RBMS3: variants seen among roughly 807,000 people sequenced by gnomAD.
The protein encoded by RBMS3 is RNA-binding motif, single-stranded-interacting protein 3.
A neutral mutation model predicts 66.8 loss-of-function variants in RBMS3; 27 were observed. The ratio of observed to expected loss-of-function variants is 0.40; its 90% CI spans 0.30 to 0.56. The LOEUF (loss-of-function observed/expected upper bound fraction) is 0.56, where lower values mean the gene tolerates loss of function less well. Among genes scored for constraint, RBMS3 ranks in the 20% least tolerant of loss-of-function variants. The probability of loss-of-function intolerance (pLI) is 0.40; values close to 1 mark genes in which losing one functional copy is unlikely to be tolerated. For missense variants in RBMS3, 513 were observed against 549.5 expected, an observed-to-expected ratio of 0.93 and a Z score of 0.66; for synonymous variants, 188 against 183.0, an observed-to-expected ratio of 1.03 and a Z score of -0.22.
chr3:29,631,966 G>A (rs2049298333), intron 4 of RBMS3, among the ~76,000 whole-genome samples: 1 of 151,914 alleles, frequency 6.6e-6, no homozygotes, highest in African/African-American at 2.4e-5. Context: ...GCATTTGCAT[G>A]CCAACCAGAA....
intron 6 of RBMS3, among the ~76,000 whole-genome samples, chr3:29,782,638 A>G (rs1013137637): frequency 2.0e-5 from 3 of 152,180 alleles, no homozygotes; most frequent in Non-Finnish European, 4.4e-5. Context: ...AACACCCCCA[A>G]AAGATCATGT....
intron 4 of RBMS3, among the ~76,000 whole-genome samples, chr3:29,664,620 A>G (rs903770200): frequency 6.6e-6 from 1 of 152,158 alleles, no homozygotes; most frequent in African/African-American, 2.4e-5. Flanking sequence ...TATACAAAAA[A>G]ATAGAACTGA....
intron 1 of RBMS3, among the ~76,000 whole-genome samples, chr3:29,394,066 C>G (rs1291272556): frequency 6.6e-6 from 1 of 152,092 alleles, no homozygotes; most frequent in East Asian, 1.9e-4. Flanking sequence ...GCTGGAATTT[C>G]CTAATCCTAG....
chr3:29,547,511 A>G (rs1044804647), intron 3 of RBMS3, among the ~76,000 whole-genome samples: 7 of 151,964 alleles, frequency 4.6e-5, no homozygotes, highest in African/African-American at 1.7e-4. Context: ...TATAAGCTCC[A>G]TTAGGAAAGA....
At chr3:29,614,626 G>A (rs1041246745) in intron 4 of RBMS3, 2 of 152,014 alleles carry the variant, frequency 1.3e-5, no homozygotes, top group African/African-American at 4.8e-5. Context: ...ATTTAGCACG[G>A]GAACAACTGG....
chr3:29,308,049 A>G (rs1475960936), intron 1 of RBMS3, among the ~76,000 whole-genome samples: 2 of 151,898 alleles, frequency 1.3e-5, no homozygotes, highest in Admixed American at 6.6e-5. Context: ...AAAACTTTCT[A>G]TATATTGGAA....
chr3:29,979,929 A>G (rs1206604216), intron 12 of RBMS3, among the ~76,000 whole-genome samples: 1 of 152,244 alleles, frequency 6.6e-6, no homozygotes, highest in Non-Finnish European at 1.5e-5. Flanking sequence ...AGAAAGATTT[A>G]TAATCCTTTA....
At chr3:29,468,226 A>ATG (rs2125792053) in intron 2 of RBMS3, among the ~76,000 whole-genome samples, 1 of 152,236 alleles carries the variant, frequency 6.6e-6, no homozygotes, top group Admixed American at 6.5e-5. Flanking sequence ...GAAATTGTTG[A>ATG]TGTGCTTGAA....
At chr3:29,847,655 T>A (rs1156944822) in intron 6 of RBMS3, among the ~76,000 whole-genome samples, 1 of 151,980 alleles carries the variant, frequency 6.6e-6, no homozygotes, top group Non-Finnish European at 1.5e-5. Context: ...ATTTTTTTTT[T>A]TTTATTTTTT....
intron 8 of RBMS3, among the ~76,000 whole-genome samples, chr3:29,885,309 G>T (rs112093738): frequency 6.6e-6 from 1 of 151,844 alleles, no homozygotes; most frequent in African/African-American, 2.4e-5. Flanking sequence ...CCCTCTAGAA[G>T]TGAAAATTAA....
At chr3:29,520,200 T>G (rs1005663484) in intron 3 of RBMS3, among the ~76,000 whole-genome samples, 17 of 152,184 alleles carry the variant, frequency 1.1e-4, no homozygotes, top group Non-Finnish European at 4.4e-5. Flanking sequence ...AACTGAGATG[T>G]GCTGTGAGTG....
intron 6 of RBMS3, among the ~76,000 whole-genome samples, chr3:29,815,120 A>G (rs1415900131): frequency 1.3e-5 from 2 of 152,190 alleles, no homozygotes; most frequent in African/African-American, 4.8e-5. Context: ...ACACACTCTG[A>G]AGGGACCTGG....
intron 4 of RBMS3, among the ~76,000 whole-genome samples, chr3:29,710,677 G>A (rs1293849433): frequency 1.3e-5 from 2 of 152,096 alleles, no homozygotes; most frequent in Non-Finnish European, 2.9e-5. Context: ...TCTCATTTCA[G>A]TGAATTCCCT....
intron 3 of RBMS3, among the ~76,000 whole-genome samples, chr3:29,577,760 C>T (rs1190949008): frequency 6.6e-6 from 1 of 152,168 alleles, no homozygotes; most frequent in Non-Finnish European, 1.5e-5. Context: ...TGCACAGACT[C>T]TTTGCTGCAT....
At position 29,891,330 on chromosome 3, in the gene RBMS3, T is replaced by A. The variant is rs536514835; in HGVS notation, c.792-6049T>A. ...TGTCATCTGCCTGAATCTATCCAAG[T>A]TATCACTTAAAAATTAGATCAATAT... On this transcript the variant is annotated intron_variant, in intron 8 of 14. Coordinates refer to ENST00000383767, the MANE Select transcript of RBMS3 (RefSeq NM_001003793.3). Among the ~76,000 whole-genome samples, 10 of 151,778 alleles carry A rather than the reference T, an allele frequency of 6.6e-5. No homozygotes were observed. In the South Asian group the frequency reaches 1.7e-3, roughly 25 times the overall value.
At chr3:29,483,309 CA>C (rs72225547) in intron 2 of RBMS3, among the ~76,000 whole-genome samples, 18,379 of 75,762 alleles carry the variant, frequency 0.24, 1,636 homozygotes, top group African/African-American at 0.39. Flanking sequence ...TTCGTCTTAA[CA>C]AAAAAAAAAA....
chr3:29,875,489 A>G (rs1314652819), intron 7 of RBMS3, among the ~76,000 whole-genome samples: 1 of 152,180 alleles, frequency 6.6e-6, no homozygotes, highest in Non-Finnish European at 1.5e-5. Context: ...AATAAAAGAA[A>G]AGGAACTTGA....
intron 10 of RBMS3, chr3:29,934,281 A>C (rs2061208938): frequency 6.6e-6 from 1 of 151,714 alleles, no homozygotes; most frequent in African/African-American, 2.4e-5. Flanking sequence ...TAAGCATTAG[A>C]ATGTTGTCAA....
chr3:29,682,177 C>G (rs553926251), intron 4 of RBMS3, among the ~76,000 whole-genome samples: 2 of 152,292 alleles, frequency 1.3e-5, no homozygotes, highest in East Asian at 3.9e-4. Context: ...GTCGGAGTCT[C>G]GCTCTGATGC....
Sources: allele counts gnomAD v4.1 joint callset (sites outside exome capture counted in the v4.1 genomes callset), GRCh38; gene constraint gnomAD v4.1.1; transcripts MANE v1.5; gene names NCBI Gene and HGNC (gene_info 2026-07-23, HGNC 2026-07-21).